The following CIMIP4 variants were observed in gnomAD, a reference collection of about 807,000 sequenced individuals.
CIMIP4 encodes the protein ciliary microtubule inner protein 4.
the CIMIP4 span, among the ~76,000 whole-genome samples, chr22:36,996,482 A>G: frequency 6.9e-6 from 1 of 145,276 alleles, no homozygotes; most frequent in African/African-American, 2.6e-5. Flanking sequence ...AAAAACCTGC[A>G]TGATGTTTAT....
At chr22:37,005,259 A>G in the CIMIP4 span, among the ~76,000 whole-genome samples, 2 of 152,148 alleles carry the variant, frequency 1.3e-5, no homozygotes, top group Non-Finnish European at 2.9e-5. Context: ...TGACACTTTC[A>G]TTACAGCCTG....
chr22:36,992,291 G>A, the CIMIP4 span, among the ~76,000 whole-genome samples: 1 of 152,140 alleles, frequency 6.6e-6, no homozygotes, highest in Admixed American at 6.5e-5. Context: ...AGGTTGCAGT[G>A]AGCCGAGATC....
the CIMIP4 span, chr22:36,991,511 G>T: frequency 6.2e-7 from 1 of 1,614,180 alleles, no homozygotes; most frequent in Non-Finnish European, 8.5e-7. Flanking sequence ...CCATGCCAGT[G>T]TTCTAAGTCC....
the CIMIP4 span, chr22:36,991,251 C>G: frequency 6.2e-7 from 1 of 1,614,160 alleles, no homozygotes; most frequent in South Asian, 1.1e-5. Context: ...AGTTCAGGTT[C>G]ATAGCATTTT....
the CIMIP4 span, chr22:37,003,881 G>T: frequency 7.1e-7 from 1 of 1,408,822 alleles, no homozygotes; most frequent in Non-Finnish European, 9.5e-7. Flanking sequence ...AGCGGGAGGA[G>T]AAAGGGCCGG....
the CIMIP4 span, among the ~76,000 whole-genome samples, chr22:37,000,675 C>T: frequency 6.6e-6 from 1 of 152,226 alleles, no homozygotes; most frequent in East Asian, 1.9e-4. Context: ...CTCAATGACA[C>T]TTGTGACATA....
chr22:36,992,549 G>C, the CIMIP4 span, among the ~76,000 whole-genome samples: 1 of 152,024 alleles, frequency 6.6e-6, no homozygotes, highest in Non-Finnish European at 1.5e-5. Flanking sequence ...GACTTGCTTT[G>C]AAATAATCTT....
At chr22:36,994,630 A>AT in the CIMIP4 span, among the ~76,000 whole-genome samples, 23,847 of 114,140 alleles carry the variant, frequency 0.21, 3,234 homozygotes, top group Non-Finnish European at 0.23. Flanking sequence ...GCCTCCTGAG[A>AT]TTTTTTTTTT....
At chr22:36,997,069 C>T in the CIMIP4 span, among the ~76,000 whole-genome samples, 2 of 152,188 alleles carry the variant, frequency 1.3e-5, no homozygotes, top group Non-Finnish European at 2.9e-5. Context: ...TGCCTGAGCT[C>T]GTCATCTCAC....
At chr22:36,999,957 C>G in the CIMIP4 span, 11 of 1,613,316 alleles carry the variant, frequency 6.8e-6, no homozygotes, top group Non-Finnish European at 9.3e-6. Context: ...TTCTGGCCCT[C>G]GAAGACTTCA....
the CIMIP4 span, chr22:36,999,976 C>A: frequency 1.2e-6 from 2 of 1,611,558 alleles, no homozygotes. Flanking sequence ...CATCAATAGC[C>A]TTTTGAGCCT....
the CIMIP4 span, among the ~76,000 whole-genome samples, chr22:37,003,411 A>G: frequency 7.2e-5 from 11 of 152,136 alleles, no homozygotes; most frequent in Non-Finnish European, 1.3e-4. Flanking sequence ...CCTGGGGACC[A>G]TTCTCAGAGC....
the CIMIP4 span, chr22:36,991,153 T>A: frequency 1.2e-6 from 2 of 1,604,094 alleles, no homozygotes; most frequent in African/African-American, 1.3e-5. Flanking sequence ...TTTATTTGAG[T>A]AGAAGACACC....
At chr22:37,000,490 G>A in the CIMIP4 span, among the ~76,000 whole-genome samples, 1 of 152,160 alleles carries the variant, frequency 6.6e-6, no homozygotes, top group African/African-American at 2.4e-5. Context: ...GAGAAGCTGA[G>A]CCCAGGTCCA....
the CIMIP4 span, chr22:37,001,855 C>T: frequency 1.3e-3 from 2,064 of 1,596,324 alleles, 27 homozygotes; most frequent in African/African-American, 0.024. Context: ...CGGAGACCAG[C>T]TGGTCCACCA....
the CIMIP4 span, among the ~76,000 whole-genome samples, chr22:36,994,325 T>C: frequency 6.6e-6 from 1 of 152,162 alleles, no homozygotes; most frequent in African/African-American, 2.4e-5. Flanking sequence ...ATTATTATTA[T>C]TATCATTATT....
the CIMIP4 span, among the ~76,000 whole-genome samples, chr22:36,993,713 A>G: frequency 6.6e-6 from 1 of 151,980 alleles, no homozygotes; most frequent in African/African-American, 2.4e-5. Flanking sequence ...TGGGCAACAG[A>G]GTGAGACTCC....
At chr22:36,999,733 C>T in the CIMIP4 span, 8 of 1,375,176 alleles carry the variant, frequency 5.8e-6, no homozygotes, top group Non-Finnish European at 7.9e-6. Flanking sequence ...GAAGATGTGC[C>T]CTGGGGTCCT....
chr22:37,003,298 C>T, the CIMIP4 span, among the ~76,000 whole-genome samples: 1 of 152,232 alleles, frequency 6.6e-6, no homozygotes, highest in Admixed American at 6.5e-5. Flanking sequence ...AGCCCCTGGG[C>T]ATTCAGGTCA....
Sources: gnomAD v4.1 joint callset for allele counts (sites outside exome capture counted in the v4.1 genomes callset) on GRCh38, gnomAD v4.1.1 for gene constraint, MANE v1.5 for transcripts, NCBI Gene and HGNC (gene_info 2026-07-23, HGNC 2026-07-21) for gene names.